Variants in NFKB2 observed in about 807,000 individuals in gnomAD.
NFKB2 encodes the protein nuclear factor kappa B subunit 2.
A neutral mutation model predicts 109.3 loss-of-function variants in NFKB2; 21 were observed. The observed-to-expected ratio is 0.19, with a 90% CI of 0.14 to 0.28. NFKB2 has a LOEUF of 0.28. Ranked by LOEUF, NFKB2 falls within the 10% of genes least tolerant of loss-of-function variation. The pLI is 1.00. For synonymous variants in NFKB2, 478 were observed against 489.9 expected (o/e 0.98, Z 0.32); for missense variants, 806 against 1,185.3 (o/e 0.68, Z 4.70).
Position 102,398,655 on chromosome 10 carries a change from A to G in NFKB2, c.992-84A>G. The stretch of plus-strand genomic sequence containing the variant: ...AGGGTCCCAGGAGGTGCTTCCTAGG[A>G]GCCGGCCCTGAGGGCTCTTCTGGGA... On this transcript the variant is annotated intron_variant, in intron 11 of 22. Transcript: ENST00000661543. The surrounding 1 kb of genome is among the most constrained non-coding windows in gnomAD (Gnocchi z 6.6). The G allele has an allele frequency of 6.2e-7, 1 of 1,611,362 alleles. No individual in the cohort carries two copies. Among genetic ancestry groups the G allele is most frequent in the South Asian group, 1.1e-5 (1 of 90,942 alleles).
chr10:102,397,532 G>A lies in NFKB2; in HGVS notation c.508G>A (p.Glu170Lys), dbSNP rs1358464074. 1 of 1,612,808 alleles carries A rather than the reference G, an allele frequency of 6.2e-7. No individual in the cohort carries two copies. The highest frequency in any genetic ancestry group is 8.5e-7 in the Non-Finnish European group (1 of 1,179,096). Residue 170 changes from glutamate to lysine, a missense_variant, in exon 8 of 23, where the codon GAG becomes AAG. Physicochemically the swap from Glu to Lys is moderately conservative, Grantham distance 56. Around this residue, in one of 10 missense-constraint regions of NFKB2, gnomAD observed 62 missense variants for 102.2 expected, o/e 0.61. Coordinates refer to ENST00000661543, the MANE Select transcript of NFKB2 (RefSeq NM_001322934.2). This position sits in a 1 kb window ranked among gnomAD's most constrained non-coding sequence, Gnocchi z 4.7. ...RSRPQGLTEA[E>K]QRELEQEAKE... The stretch of plus-strand genomic sequence containing the variant: ...CACATGTACCTACTGCCCAGAGGCC[G>A]AGCAGCGGGAGCTGGAGCAAGAGGC...
At position 102,396,883 on chromosome 10, in the gene NFKB2, G is replaced by C; in HGVS notation, c.244-21G>C. 1 of 1,599,748 alleles carries C rather than the reference G, an allele frequency of 6.3e-7. No individual in the cohort carries two copies. The highest frequency in any genetic ancestry group is 1.1e-5 in the South Asian group (1 of 90,858). On this transcript the variant is annotated intron_variant, in intron 5 of 22. Transcript: ENST00000661543. This position sits in a 1 kb window ranked among gnomAD's most constrained non-coding sequence, Gnocchi z 5.9. ...GGACAGCATGCCCAAGGCCCTGACT[G>C]ACAGTCCCTGCCTCTCCTAGATCTG...
Position 102,399,279 on chromosome 10 carries a change from T to C in NFKB2, c.1118-9T>C. 1.3e-6 allele frequency: 2 copies of C among 1,587,356 alleles called. No individual in the cohort carries two copies. Among genetic ancestry groups the C allele is most frequent in the African/African-American group, 1.4e-5 (1 of 73,936 alleles). ...TGCCCGCTTCCCACAGCCCTGCCTGTATCCACAGGTGGCAGCCTCGGTTTC... is the reference window on the plus strand; with the variant it reads ...TGCCCGCTTCCCACAGCCCTGCCTGCATCCACAGGTGGCAGCCTCGGTTTC... On this transcript the variant is annotated splice_polypyrimidine_tract_variant and intron_variant, in intron 12 of 22. Coordinates refer to ENST00000661543, the MANE Select transcript of NFKB2 (RefSeq NM_001322934.2).
upstream of NFKB2, chr10:102,394,653 G>T (rs2061067544): frequency 6.5e-6 from 1 of 152,746 alleles, no homozygotes; most frequent in African/African-American, 2.4e-5. Flanking sequence ...AAAAGAGGGA[G>T]GAGGGCCTTT....
In NFKB2 at chr10:102,400,101, C is replaced by A; in HGVS notation, c.1491C>A (p.Ile497=). 6.2e-7 allele frequency: 1 copy of A among 1,614,104 alleles called. No homozygotes were observed. The highest frequency in any genetic ancestry group is 8.5e-7 in the Non-Finnish European group (1 of 1,180,006). The change falls in exon 15 of 23, where the codon ATC becomes ATA. Residue 497 remains isoleucine, a synonymous_variant. Coordinates refer to ENST00000661543, the MANE Select transcript of NFKB2 (RefSeq NM_001322934.2). This position sits in a 1 kb window ranked among gnomAD's most constrained non-coding sequence, Gnocchi z 6.3. ...CCAGACCACTGCACCTAGCCATCAT[C>A]CACGGGCAGACCAGTGTCATTGAGC... ...NGDTPLHLAI[I]HGQTSVIEQI... is the part of the protein sequence containing the mutation.
At position 102,396,211 on chromosome 10, in the gene NFKB2, T is replaced by A; in HGVS notation, c.22-42T>A. 3 of 1,574,234 alleles carry A rather than the reference T, an allele frequency of 1.9e-6. No individual in the cohort carries two copies. The highest frequency in any genetic ancestry group is 2.6e-6 in the Non-Finnish European group (3 of 1,150,102). On this transcript the variant is annotated intron_variant, in intron 2 of 22. Coordinates refer to ENST00000661543, the MANE Select transcript of NFKB2 (RefSeq NM_001322934.2). This position sits in a 1 kb window ranked among gnomAD's most constrained non-coding sequence, Gnocchi z 5.9. ...AGATGGGAGGTGGGGCTGTGGGGGGTGCTGAGAGTCGGATGCCACCCCCAG... is the reference window on the plus strand; with the variant it reads ...AGATGGGAGGTGGGGCTGTGGGGGGAGCTGAGAGTCGGATGCCACCCCCAG...
rs769140343 is a variant in NFKB2, at chr10:102,400,164, C to T, written c.1554C>T (p.Gly518=). 8.1e-6 allele frequency: 13 copies of T among 1,614,140 alleles called. No individual in the cohort carries two copies. Among genetic ancestry groups the T allele is most frequent in the Non-Finnish European group, 1.0e-5 (12 of 1,180,010 alleles). Residue 518 remains glycine, a synonymous_variant, in exon 15 of 23, where the codon GGC becomes GGT. Transcript: ENST00000661543. The surrounding 1 kb of genome is among the most constrained non-coding windows in gnomAD (Gnocchi z 6.3). ...TCATCCACCACGCCCAGGACCTCGG[C>T]GTTGTCAACCTCACCAACCACCTGC... ...VYVIHHAQDL[G]VVNLTNHLHQ...
chr10:102,402,091 A>T lies in NFKB2; in HGVS notation c.2510A>T (p.Asp837Val), dbSNP rs2061269838. 6.3e-7 allele frequency: 1 copy of T among 1,577,102 alleles called. No individual in the cohort carries two copies. Among genetic ancestry groups the T allele is most frequent in the Non-Finnish European group, 8.6e-7 (1 of 1,160,998 alleles). The change falls in exon 22 of 23, where the codon GAC becomes GTC. Residue 837 changes from aspartate (D) to valine (V), a missense_variant. Coordinates refer to ENST00000661543, the MANE Select transcript of NFKB2 (RefSeq NM_001322934.2). ...DLAGLLEALS[D>V]MGLEEGVRLL... ...GCAGGTCTACTGGAGGCCCTGTCTG[A>T]CATGGGCCTAGAGGAGGGAGTGAGG...
Position 102,399,497 on chromosome 10 carries a change from G to A in NFKB2, c.1327G>A (p.Ala443Thr). 2 of 1,501,054 alleles carry A rather than the reference G, an allele frequency of 1.3e-6. No individual in the cohort carries two copies. Among genetic ancestry groups the A allele is most frequent in the Non-Finnish European group, 1.8e-6 (2 of 1,123,952 alleles). The allele number at this position is 1,501,054 out of a possible 1,614,324, so 93.0% of individuals were successfully genotyped here. ...GCAGGCCCCGGAGATGCTGCAGCGA[G>A]GTATGGACTCCGGGGCACGGGCGGT... is the stretch of plus-strand genomic sequence containing the variant. ...EPQAPEMLQRAREYNARLFGL... is the reference protein window; with the variant it reads ...EPQAPEMLQRTREYNARLFGL... The change falls in exon 13 of 23, where the codon GCT (alanine) becomes ACT (threonine). Residue 443 changes from alanine (A) to threonine (T), a missense_variant and splice_region_variant. Physicochemically the swap from Ala to Thr is moderately conservative, Grantham distance 58 (BLOSUM62 0). This residue lies in a region of NFKB2 where 209 missense variants were observed against 211.9 expected (regional missense o/e 0.99). Coordinates refer to ENST00000661543, the MANE Select transcript of NFKB2 (RefSeq NM_001322934.2).
upstream of NFKB2, chr10:102,395,668 T>C: frequency 4.1e-6 from 2 of 488,284 alleles, no homozygotes; most frequent in Non-Finnish European, 7.3e-6. Flanking sequence ...CGGCCCCGCC[T>C]CCCCTTGGTA....
Position 102,397,879 on chromosome 10 carries a change from C to A in NFKB2, c.662-102C>A. ...AAATGTGTATATTGGGTGTTTCCTGCAGCTCCAGGGGTTGCTGAGATAAGG... is the reference window on the plus strand; with the variant it reads ...AAATGTGTATATTGGGTGTTTCCTGAAGCTCCAGGGGTTGCTGAGATAAGG... On this transcript the variant is annotated intron_variant, in intron 8 of 22. Transcript: ENST00000661543. The surrounding 1 kb of genome is among the most constrained non-coding windows in gnomAD (Gnocchi z 4.7). The A allele has an allele frequency of 7.6e-7, 1 of 1,323,814 alleles. No homozygotes were observed. Among genetic ancestry groups the A allele is most frequent in the Non-Finnish European group, 1.1e-6 (1 of 932,984 alleles). The allele number at this position is 1,323,814 out of a possible 1,614,324, so 82.0% of individuals were successfully genotyped here.
Position 102,401,548 on chromosome 10 carries a change from C to T in NFKB2, c.2293+30C>T, listed in dbSNP as rs2135440943. 6.2e-7 allele frequency: 1 copy of T among 1,607,114 alleles called. No homozygotes were observed. The stretch of plus-strand genomic sequence containing the variant: ...GAAGCATCAGGCATCCCCAGCCCGA[C>T]TCCTCTGACTCCTCACAGAGGTCTC... On this transcript the variant is annotated intron_variant, in intron 20 of 22. Transcript: ENST00000661543. The surrounding 1 kb of genome is among the most constrained non-coding windows in gnomAD (Gnocchi z 4.2).
rs752583135 is a variant in NFKB2 at position 102,397,256 on chromosome 10, G to A, written c.396-46G>A. 1.3e-6 allele frequency: 2 copies of A among 1,593,790 alleles called. No individual in the cohort carries two copies. Among genetic ancestry groups the A allele is most frequent in the Non-Finnish European group, 1.7e-6 (2 of 1,162,824 alleles). ...CCTGGCAATGGGAAAGGTGCCTCAG[G>A]AAGAAAGAACTGCATGGCCAAAGGC... is the stretch of plus-strand genomic sequence containing the variant. On this transcript the variant is annotated intron_variant, in intron 6 of 22. Coordinates refer to ENST00000661543, the MANE Select transcript of NFKB2 (RefSeq NM_001322934.2). The surrounding 1 kb of genome is among the most constrained non-coding windows in gnomAD (Gnocchi z 4.7).
upstream of NFKB2, chr10:102,394,860 C>T (rs544691401): frequency 6.6e-6 from 1 of 152,452 alleles, no homozygotes; most frequent in African/African-American, 2.4e-5. Flanking sequence ...GAGACGTGCC[C>T]ACCGGTGCAC....
In NFKB2 at chr10:102,398,899, A is replaced by G. The variant is rs1463503193; in HGVS notation, c.1117+35A>G. 2.5e-6 allele frequency: 4 copies of G among 1,575,662 alleles called. No individual in the cohort carries two copies. The Admixed American group carries it at 5.4e-5, about 21-fold the overall frequency. ...TACTGATGGAGGGAGGGGTAAAGGT[A>G]AGAGAAGCTGTGGAGGAAAAAAATC... On this transcript the variant is annotated intron_variant, in intron 12 of 22. Coordinates refer to ENST00000661543, the MANE Select transcript of NFKB2 (RefSeq NM_001322934.2). This position sits in a 1 kb window ranked among gnomAD's most constrained non-coding sequence, Gnocchi z 6.6.
intron 12 of NFKB2, 151 bp from the exon 13 acceptor site, chr10:102,399,137 C>T: frequency 1.2e-6 from 1 of 848,668 alleles, no homozygotes; most frequent in Non-Finnish European, 1.8e-6. Flanking sequence ...CGCTTGAACC[C>T]TGGGAGACAA....
Position 102,396,531 on chromosome 10 carries a change from G to T in NFKB2, c.144+42G>T. 1 of 1,613,060 alleles carries T rather than the reference G, an allele frequency of 6.2e-7. No homozygotes were observed. The highest frequency in any genetic ancestry group is 1.1e-5 in the South Asian group (1 of 91,034). ...GAGGGTGTGGAATGGCTTCAGCTTT[G>T]GGGACAAATGGGGTAGTGGTAGCTG... On this transcript the variant is annotated intron_variant, in intron 4 of 22. Transcript: ENST00000661543. This position sits in a 1 kb window ranked among gnomAD's most constrained non-coding sequence, Gnocchi z 5.9.
Position 102,397,905 on chromosome 10 carries a change from A to G in NFKB2, c.662-76A>G. 1 of 1,477,410 alleles carries G rather than the reference A, an allele frequency of 6.8e-7. No homozygotes were observed. The highest frequency in any genetic ancestry group is 1.1e-5 in the South Asian group (1 of 87,664). 91.5% of individuals were successfully genotyped at this position (1,477,410 alleles called of 1,614,324 possible). A position where few individuals can be genotyped will look rare whatever the true frequency, so the allele number is the denominator to read the frequency against. ...AGCTCCAGGGGTTGCTGAGATAAGG[A>G]ATACAAAGCCCCCAGCTTCTTAAAT... is the stretch of plus-strand genomic sequence containing the variant. On this transcript the variant is annotated intron_variant, in intron 8 of 22. Transcript: ENST00000661543. The surrounding 1 kb of genome is among the most constrained non-coding windows in gnomAD (Gnocchi z 4.7).
chr10:102,401,969 T>G lies in NFKB2; in HGVS notation c.2466+52T>G, dbSNP rs1242663720. 3 of 1,591,288 alleles carry G rather than the reference T, an allele frequency of 1.9e-6. No homozygotes were observed. Among genetic ancestry groups the G allele is most frequent in the Admixed American group, 3.5e-5 (2 of 57,472 alleles). ...CCCCAGCCTCCTTTCCCGATCTGAGTCCAGGTGCCTCCTTGGCCCCAGGGC... is the reference window on the plus strand; with the variant it reads ...CCCCAGCCTCCTTTCCCGATCTGAGGCCAGGTGCCTCCTTGGCCCCAGGGC... On this transcript the variant is annotated intron_variant, in intron 21 of 22. Coordinates refer to ENST00000661543, the MANE Select transcript of NFKB2 (RefSeq NM_001322934.2). The surrounding 1 kb of genome is among the most constrained non-coding windows in gnomAD (Gnocchi z 4.2).
Sources: allele counts gnomAD v4.1 joint callset, GRCh38; gene constraint gnomAD v4.1.1; regional missense constraint gnomAD v4.1.1; non-coding constraint Gnocchi (gnomAD v3.1); transcripts MANE v1.5; gene names NCBI Gene and HGNC (gene_info 2026-07-23, HGNC 2026-07-21).